Variants in COPG2 observed in about 807,000 individuals in gnomAD.
COPG2 encodes the protein coatomer subunit gamma-2.
A neutral mutation model predicts 46.3 loss-of-function variants in COPG2; 37 were observed. The ratio of observed to expected loss-of-function variants is 0.80; its 90% CI spans 0.61 to 1.05. The LOEUF is 1.05. Among genes scored for constraint, COPG2 ranks in the 50% least tolerant of loss-of-function variants. The probability of loss-of-function intolerance (pLI) is 0.00; values close to 1 mark genes in which losing one functional copy is unlikely to be tolerated. For synonymous variants in COPG2, 159 were observed against 129.7 expected (o/e 1.23, Z -1.53); for missense variants, 427 against 387.8 (o/e 1.10, Z -0.85).
At chr7:130,569,332 A>G (rs938783498) in intron 9 of COPG2, among the ~76,000 whole-genome samples, 4 of 152,210 alleles carry the variant, frequency 2.6e-5, no homozygotes, top group Admixed American at 2.0e-4. Flanking sequence ...CCAAGAAGAG[A>G]GAAGATCCAA....
chr7:130,637,465 C>T (rs895327456), intron 5 of COPG2, among the ~76,000 whole-genome samples: 16 of 152,108 alleles, frequency 1.1e-4, no homozygotes, highest in Non-Finnish European at 1.8e-4. Context: ...CACTTTATTT[C>T]ATTAGATTTA....
chr7:130,610,983 G>A lies in COPG2; in HGVS notation c.707C>T (p.Ala236Val), dbSNP rs927128294. ...CTCAGTTTCTTTTAGTAAGCGACTG[G>A]CAATTCGGATCAGCATGCAGTAAGC... ...QFAYCMLIRI[A>V]SRLLKETEDG... The change falls in exon 9 of 24, where the codon GCC (alanine) becomes GTC (valine). Residue 236 changes from alanine (A) to valine (V), a missense_variant. Coordinates refer to ENST00000425248, the MANE Select transcript of COPG2 (RefSeq NM_012133.6). The A allele has an allele frequency of 1.2e-6, 2 of 1,613,858 alleles. No individual in the cohort carries two copies. The highest frequency in any genetic ancestry group is 1.7e-6 in the Non-Finnish European group (2 of 1,179,838).
At chr7:130,627,487 C>A (rs1323757060) in intron 5 of COPG2, among the ~76,000 whole-genome samples, 2 of 152,186 alleles carry the variant, frequency 1.3e-5, no homozygotes, top group Non-Finnish European at 2.9e-5. Context: ...CCCAGGCAAG[C>A]CTTTGTCTCC....
chr7:130,638,961 A>G (rs1235974105), intron 5 of COPG2, among the ~76,000 whole-genome samples: 1 of 152,130 alleles, frequency 6.6e-6, no homozygotes. Flanking sequence ...AGTCCCTTAT[A>G]GCTTCCCTTG....
At chr7:130,511,936 C>G (rs532555297) in intron 20 of COPG2, 1 of 473,626 alleles carries the variant, frequency 2.1e-6, no homozygotes, top group East Asian at 6.3e-5. Flanking sequence ...ATAGATGGGC[C>G]GGGTGCAGTG....
At chr7:130,569,075 A>G (rs968367570) in intron 9 of COPG2, among the ~76,000 whole-genome samples, 28 of 152,210 alleles carry the variant, frequency 1.8e-4, no homozygotes, top group Non-Finnish European at 2.9e-4. Flanking sequence ...GAAAGTTCAT[A>G]CTACTAAATG....
intron 9 of COPG2, among the ~76,000 whole-genome samples, chr7:130,603,599 C>T (rs978710813): frequency 6.0e-5 from 9 of 151,248 alleles, no homozygotes; most frequent in Non-Finnish European, 1.2e-4. Context: ...TGCGTGCCTG[C>T]AATCTCAGCT....
chr7:130,648,395 C>A (rs1237661336), intron 5 of COPG2, among the ~76,000 whole-genome samples: 3 of 152,136 alleles, frequency 2.0e-5, no homozygotes, highest in Admixed American at 1.3e-4. Flanking sequence ...CAAGATCCCC[C>A]CAAAGTCTCA....
intron 20 of COPG2, among the ~76,000 whole-genome samples, chr7:130,511,143 G>A (rs746175666): frequency 6.6e-6 from 1 of 152,230 alleles, no homozygotes; most frequent in Non-Finnish European, 1.5e-5. Flanking sequence ...AAAATGCAGT[G>A]TGGCAAAGGG....
At chr7:130,641,566 A>G (rs1554457288) in intron 5 of COPG2, among the ~76,000 whole-genome samples, 2 of 152,344 alleles carry the variant, frequency 1.3e-5, no homozygotes, top group Admixed American at 1.3e-4. Context: ...GAAAGAGGTC[A>G]GGTAAAATGT....
chr7:130,561,414 C>T (rs981560288), intron 11 of COPG2, among the ~76,000 whole-genome samples, 193 bp from the exon 12 acceptor site: 6 of 152,100 alleles, frequency 3.9e-5, no homozygotes, highest in East Asian at 1.9e-4. Flanking sequence ...AGTATAGCAT[C>T]GTACTCTCTT....
intron 20 of COPG2, among the ~76,000 whole-genome samples, chr7:130,513,685 G>C (rs1055479036): frequency 6.6e-6 from 1 of 152,132 alleles, no homozygotes; most frequent in Non-Finnish European, 1.5e-5. Flanking sequence ...CTTGCCATAG[G>C]CAGTGGCAGG....
At chr7:130,510,006 A>G (rs782496650) in intron 20 of COPG2, 2 of 491,380 alleles carry the variant, frequency 4.1e-6, no homozygotes, top group Admixed American at 4.3e-5. Flanking sequence ...GAGGCATGCT[A>G]ATGCCTAGGT....
At chr7:130,527,489 G>A (rs1799785224) in intron 20 of COPG2, among the ~76,000 whole-genome samples, 1 of 151,528 alleles carries the variant, frequency 6.6e-6, no homozygotes, top group Non-Finnish European at 1.5e-5. Context: ...AGGGAGGGCT[G>A]GGGGCATGGA....
intron 20 of COPG2, among the ~76,000 whole-genome samples, chr7:130,532,683 A>G (rs1312501021): frequency 6.6e-6 from 1 of 152,090 alleles, no homozygotes; most frequent in Non-Finnish European, 1.5e-5. Flanking sequence ...GGTGTGAGAG[A>G]GAAGGGTGTG....
intron 9 of COPG2, among the ~76,000 whole-genome samples, chr7:130,584,359 G>C (rs1554447713): frequency 6.6e-6 from 1 of 151,946 alleles, no homozygotes; most frequent in Non-Finnish European, 1.5e-5. Context: ...ACATAATATT[G>C]AATGGGGAAA....
At chr7:130,663,085 C>A in intron 3 of COPG2, 47 bp from the exon 4 acceptor site, 2 of 1,055,714 alleles carry the variant, frequency 1.9e-6, no homozygotes, top group South Asian at 3.1e-5. Context: ...AGTGTATATT[C>A]ATATATATGT....
intron 20 of COPG2, chr7:130,546,885 T>C (rs976837103): frequency 6.6e-5 from 10 of 152,214 alleles, no homozygotes; most frequent in Non-Finnish European, 1.3e-4. Context: ...GCAGTAAAAG[T>C]TGTTCAAAAC....
intron 5 of COPG2, among the ~76,000 whole-genome samples, chr7:130,619,940 T>C (rs944851039): frequency 1.3e-5 from 2 of 152,224 alleles, no homozygotes; most frequent in Non-Finnish European, 2.9e-5. Context: ...TTTAAATGAC[T>C]AGCTTTTTCT....
Sources: gnomAD v4.1 joint callset for allele counts (sites outside exome capture counted in the v4.1 genomes callset) on GRCh38, gnomAD v4.1.1 for gene constraint, MANE v1.5 for transcripts, NCBI Gene and HGNC (gene_info 2026-07-23, HGNC 2026-07-21) for gene names.